Variants in IGSF21 observed in about 807,000 individuals in gnomAD.
IGSF21 encodes the protein immunoglobulin superfamily member 21.
IGSF21 carries 28 observed loss-of-function variants against 46.8 expected under a neutral mutation model. The observed-to-expected ratio is 0.60, with a 90% CI of 0.44 to 0.82. The LOEUF (loss-of-function observed/expected upper bound fraction) is 0.82. Among genes scored for constraint, IGSF21 ranks in the 40% least tolerant of loss-of-function variants. The pLI, the probability that IGSF21 is intolerant of heterozygous loss-of-function variation, is 0.00. For synonymous variants in IGSF21, 284 were observed against 273.6 expected, an observed-to-expected ratio of 1.04 and a Z score of -0.38; for missense variants, 624 against 665.5, an observed-to-expected ratio of 0.94 and a Z score of 0.69.
At chr1:18,375,490 A>G (rs887058171) in intron 6 of IGSF21, among the ~76,000 whole-genome samples, 3 of 152,198 alleles carry the variant, frequency 2.0e-5, no homozygotes, top group Admixed American at 6.5e-5. Context: ...TGATATTCTC[A>G]GGTGTCGTTC....
At chr1:18,305,883 A>G (rs2085421503) in intron 3 of IGSF21, among the ~76,000 whole-genome samples, 2 of 152,198 alleles carry the variant, frequency 1.3e-5, no homozygotes, top group South Asian at 4.1e-4. Context: ...GGACACATTG[A>G]GTAACTTGCT....
intron 3 of IGSF21, among the ~76,000 whole-genome samples, chr1:18,321,424 C>CAGCAACTAG (rs2085600031): frequency 6.6e-6 from 1 of 152,348 alleles, no homozygotes; most frequent in East Asian, 1.9e-4. Context: ...CCACCTCAAA[C>CAGCAACTAG]AGCAACTAGC....
chr1:18,132,227 CTGACCTA>C (rs571502316), intron 1 of IGSF21, among the ~76,000 whole-genome samples: 111 of 152,206 alleles, frequency 7.3e-4, no homozygotes, highest in African/African-American at 1.4e-3. Context: ...CCAAACCACA[CTGACCTA>C]TGACCTATGA....
intron 2 of IGSF21, among the ~76,000 whole-genome samples, chr1:18,280,178 A>G (rs1301440331): frequency 6.6e-6 from 1 of 152,152 alleles, no homozygotes; most frequent in Non-Finnish European, 1.5e-5. Flanking sequence ...GATGTGGGCC[A>G]GAACCTCACA....
chr1:18,122,471 G>A (rs920788467), intron 1 of IGSF21, among the ~76,000 whole-genome samples: 3 of 151,318 alleles, frequency 2.0e-5, no homozygotes, highest in Admixed American at 6.6e-5. Flanking sequence ...GATTATAGGC[G>A]TGAGCCACCA....
At chr1:18,288,206 T>C (rs1244516616) in intron 2 of IGSF21, among the ~76,000 whole-genome samples, 1 of 152,198 alleles carries the variant, frequency 6.6e-6, no homozygotes, top group Non-Finnish European at 1.5e-5. Flanking sequence ...CCTTGCTTCA[T>C]GCTCCAAAGC....
At chr1:18,374,885 CA>C (rs2086265290) in intron 6 of IGSF21, among the ~76,000 whole-genome samples, 1 of 152,118 alleles carries the variant, frequency 6.6e-6, no homozygotes, top group African/African-American at 2.4e-5. Flanking sequence ...CACAGAGTAG[CA>C]CAAAGCATAG....
At chr1:18,176,195 G>A (rs939208980) in intron 1 of IGSF21, 1 of 152,226 alleles carries the variant, frequency 6.6e-6, no homozygotes, top group African/African-American at 2.4e-5. Flanking sequence ...AAAACAAGAA[G>A]GATTTTCAAG....
At chr1:18,224,045 T>A (rs950160462) in intron 1 of IGSF21, among the ~76,000 whole-genome samples, 1 of 152,164 alleles carries the variant, frequency 6.6e-6, no homozygotes, top group African/African-American at 2.4e-5. Flanking sequence ...CCAGCAGGGC[T>A]GAGACTAGGG....
intron 1 of IGSF21, among the ~76,000 whole-genome samples, chr1:18,124,146 G>A (rs928025568): frequency 2.0e-5 from 3 of 152,186 alleles, no homozygotes; most frequent in African/African-American, 2.4e-5. Flanking sequence ...AGCCCCTCTC[G>A]GCTATATGGA....
intron 2 of IGSF21, among the ~76,000 whole-genome samples, chr1:18,233,577 C>T (rs868535410): frequency 1.3e-5 from 2 of 152,114 alleles, no homozygotes; most frequent in African/African-American, 4.8e-5. Flanking sequence ...TGTCTGCAAC[C>T]AAAAGACCCC....
In IGSF21 at chr1:18,320,496, G is replaced by A. The variant is rs554806737; in HGVS notation, c.306-14396G>A. 3.3e-5 allele frequency among the ~76,000 whole-genome samples: 5 copies of A among 152,330 alleles called. No individual in the cohort carries two copies. The South Asian group carries it at 1.0e-3, about 32-fold the overall frequency. Reference sequence around the variant, plus strand: ...CTGTTTTTAGCTCCGCTTTGATGAAGCGGCGGGAGTCAGGTTTGGCCCCGG... The same window carrying A: ...CTGTTTTTAGCTCCGCTTTGATGAAACGGCGGGAGTCAGGTTTGGCCCCGG... On this transcript the variant is annotated intron_variant, in intron 3 of 9. Transcript: ENST00000251296.
intron 5 of IGSF21, among the ~76,000 whole-genome samples, chr1:18,364,338 T>A (rs1478971340): frequency 6.6e-6 from 1 of 151,902 alleles, no homozygotes; most frequent in East Asian, 1.9e-4. Flanking sequence ...CAGAAGAGAT[T>A]CTTTGTTGGC....
In IGSF21 at chr1:18,208,376, A is replaced by ATATATATAT. The variant is rs1557588190; in HGVS notation, c.71-19522_71-19521insTATATATAT. Among the ~76,000 whole-genome samples, 86 of 22,038 alleles carry ATATATATAT rather than the reference A, an allele frequency of 3.9e-3. 5 individuals carry two copies. Among genetic ancestry groups the ATATATATAT allele is most frequent in the African/African-American group, 0.013 (72 of 5,722 alleles). 14.5% of individuals were successfully genotyped at this position (22,038 alleles called of 152,430 possible). Reference sequence around the variant, plus strand: ...GGCAGTTCTCCTTCAGTTTAGGAATAATATATATATATATATATATTTTTT... The same window carrying ATATATATAT: ...GGCAGTTCTCCTTCAGTTTAGGAATATATATATATATATATATATATATATATATTTTTT... On this transcript the variant is annotated intron_variant, in intron 1 of 9. Transcript: ENST00000251296.
In IGSF21 at chr1:18,282,071, C is replaced by T. The variant is rs539243812; in HGVS notation, c.184-9795C>T. ...GAGCCCTAAATGGGACAGTCAAGGGCGCTCCTGCTCTGAATGACCTCCTAG... is the reference window on the plus strand; with the variant it reads ...GAGCCCTAAATGGGACAGTCAAGGGTGCTCCTGCTCTGAATGACCTCCTAG... On this transcript the variant is annotated intron_variant, in intron 2 of 9. Coordinates refer to ENST00000251296, the MANE Select transcript of IGSF21 (RefSeq NM_032880.5). Among the ~76,000 whole-genome samples, 6 of 152,244 alleles carry T rather than the reference C, an allele frequency of 3.9e-5. No individual in the cohort carries two copies. The South Asian group carries it at 6.2e-4, about 16-fold the overall frequency.
At chr1:18,143,889 C>T (rs1363369343) in intron 1 of IGSF21, among the ~76,000 whole-genome samples, 1 of 152,142 alleles carries the variant, frequency 6.6e-6, no homozygotes, top group Admixed American at 6.5e-5. Context: ...AAGGCAGGAG[C>T]TGTGACTCCC....
At chr1:18,252,504 A>G (rs759576416) in intron 2 of IGSF21, among the ~76,000 whole-genome samples, 15 of 152,260 alleles carry the variant, frequency 9.9e-5, no homozygotes, top group Non-Finnish European at 1.0e-4. Context: ...GGCAGTCGAC[A>G]TCTAAGCAGG....
At chr1:18,157,352 C>G (rs1397159717) in intron 1 of IGSF21, among the ~76,000 whole-genome samples, 1 of 152,202 alleles carries the variant, frequency 6.6e-6, no homozygotes, top group Admixed American at 6.5e-5. Flanking sequence ...CAGGACCTCA[C>G]CCTGTGAGCC....
At chr1:18,286,515 G>A (rs1250585214) in intron 2 of IGSF21, among the ~76,000 whole-genome samples, 1 of 152,192 alleles carries the variant, frequency 6.6e-6, no homozygotes, top group African/African-American at 2.4e-5. Flanking sequence ...CCAGGTGTAC[G>A]CTTTGCAGAG....
Sources: allele counts gnomAD v4.1 joint callset (sites outside exome capture counted in the v4.1 genomes callset), GRCh38; gene constraint gnomAD v4.1.1; transcripts MANE v1.5; gene names NCBI Gene and HGNC (gene_info 2026-07-23, HGNC 2026-07-21).